Variants in FKBP5 observed in about 807,000 individuals in gnomAD.
The protein encoded by FKBP5 is peptidyl-prolyl cis-trans isomerase FKBP5.
Under a neutral mutation model 50.5 loss-of-function variants are expected in FKBP5, and 23 were observed. The ratio of observed to expected loss-of-function variants is 0.46; its 90% confidence interval spans 0.33 to 0.65. FKBP5 has a LOEUF of 0.65. FKBP5 is among the 30% of genes least tolerant of loss of function. The probability of loss-of-function intolerance (pLI) is 0.02; values close to 1 mark genes in which losing one functional copy is unlikely to be tolerated. For synonymous variants in FKBP5, 176 were observed against 190.6 expected (o/e 0.92, Z 0.63); for missense variants, 411 against 553.1 (o/e 0.74, Z 2.58).
chr6:35,584,499 C>T (rs532320982), intron 8 of FKBP5: 2 of 985,478 alleles, frequency 2.0e-6, no homozygotes, highest in South Asian at 4.7e-5. Flanking sequence ...AAGTCAGACA[C>T]CCTGGAAAGA....
chr6:35,697,928 A>G (rs1766112545), intron 2 of FKBP5, among the ~76,000 whole-genome samples: 1 of 152,230 alleles, frequency 6.6e-6, no homozygotes. Context: ...AAAAGAACAA[A>G]TAACCAGCCA....
intron 1 of FKBP5, among the ~76,000 whole-genome samples, chr6:35,663,470 C>G (rs1765126702): frequency 6.6e-6 from 1 of 152,250 alleles, no homozygotes; most frequent in Admixed American, 6.5e-5. Flanking sequence ...AAAAATTACT[C>G]TGGCACTCCA....
chr6:35,651,980 G>A (rs1581853796), intron 1 of FKBP5: 1 of 363,378 alleles, frequency 2.8e-6, no homozygotes, highest in Non-Finnish European at 4.2e-6. Context: ...GGAACCGGCT[G>A]AAGCCATGAC....
intron 1 of FKBP5, among the ~76,000 whole-genome samples, chr6:35,723,364 G>A (rs2151025357): frequency 6.6e-6 from 1 of 152,338 alleles, no homozygotes; most frequent in Admixed American, 6.5e-5. Flanking sequence ...TGCTCTGTAA[G>A]TGCCCACTGG....
chr6:35,583,971 A>T, intron 8 of FKBP5: 15 of 985,406 alleles, frequency 1.5e-5, no homozygotes, highest in Non-Finnish European at 1.8e-5. Flanking sequence ...TTGTTTTAGA[A>T]ATGCTTTCTT....
At chr6:35,705,982 C>T (rs1353997988) in intron 2 of FKBP5, among the ~76,000 whole-genome samples, 4 of 152,134 alleles carry the variant, frequency 2.6e-5, no homozygotes, top group African/African-American at 9.7e-5. Context: ...TGGTGGCTTG[C>T]ACCTGTAATC....
intron 1 of FKBP5, among the ~76,000 whole-genome samples, chr6:35,688,203 C>G (rs1204446461): frequency 1.3e-5 from 2 of 152,236 alleles, no homozygotes. Flanking sequence ...CCCGTCCACA[C>G]CCGGAGCGCG....
chr6:35,591,948 G>A (rs183691914), intron 6 of FKBP5, among the ~76,000 whole-genome samples: 249 of 152,154 alleles, frequency 1.6e-3, no homozygotes, highest in Middle Eastern at 0.014. Context: ...AATAACTGAG[G>A]ACATATACAT....
upstream of FKBP5, among the ~76,000 whole-genome samples, chr6:35,691,476 G>C (rs1765985848): frequency 6.6e-6 from 1 of 152,180 alleles, no homozygotes; most frequent in South Asian, 2.1e-4. Context: ...TCTGGGACCA[G>C]GCTCTTCCAG....
intron 1 of FKBP5, among the ~76,000 whole-genome samples, chr6:35,725,787 C>T (rs539582942): frequency 1.3e-5 from 2 of 152,266 alleles, no homozygotes; most frequent in African/African-American, 4.8e-5. Flanking sequence ...CGGTACATTC[C>T]GGTCCCAGCG....
chr6:35,715,477 C>T lies in FKBP5; in HGVS notation c.-20+4851G>A, dbSNP rs143172137. ...ATCAGAACAGTGCCATTATTGCCAG[C>T]ACTATTATAAAATGTGTTCCAATAG... On this transcript the variant is annotated intron_variant, in intron 2 of 11. Coordinates refer to the FKBP5 transcript ENST00000536438. 2.5e-3 allele frequency among the ~76,000 whole-genome samples: 385 copies of T among 152,292 alleles called. 2 individuals carry two copies. Among genetic ancestry groups the T allele is most frequent in the Non-Finnish European group, 4.3e-3 (293 of 68,028 alleles).
intron 1 of FKBP5, among the ~76,000 whole-genome samples, chr6:35,685,651 C>A (rs1484073274): frequency 1.3e-5 from 2 of 152,058 alleles, no homozygotes; most frequent in African/African-American, 4.8e-5. Flanking sequence ...TAGAGGAATT[C>A]TTCATGCCGG....
chr6:35,631,604 C>T (rs1333488179), intron 3 of FKBP5, among the ~76,000 whole-genome samples: 1 of 152,014 alleles, frequency 6.6e-6, no homozygotes, highest in Admixed American at 6.6e-5. Flanking sequence ...GTGGCTTCGA[C>T]ACAAATATTA....
chr6:35,594,457 C>G (rs1762915310), intron 6 of FKBP5, among the ~76,000 whole-genome samples: 1 of 152,118 alleles, frequency 6.6e-6, no homozygotes, highest in African/African-American at 2.4e-5. Context: ...ACAGATGACA[C>G]TAAGAGCTAT....
chr6:35,582,420 G>T (rs533249088), intron 8 of FKBP5: 13 of 495,906 alleles, frequency 2.6e-5, no homozygotes, highest in African/African-American at 2.5e-4. Flanking sequence ...TGAGGGTGGG[G>T]CCTCATGATG....
At chr6:35,591,566 T>C in intron 6 of FKBP5, among the ~76,000 whole-genome samples, 1 of 152,130 alleles carries the variant, frequency 6.6e-6, no homozygotes, top group Non-Finnish European at 1.5e-5. Context: ...ATGGCCATGA[T>C]TTAGCTGCCA....
chr6:35,636,590 T>G (rs1403647173), intron 3 of FKBP5, among the ~76,000 whole-genome samples: 1 of 152,200 alleles, frequency 6.6e-6, no homozygotes, highest in African/African-American at 2.4e-5. Flanking sequence ...TGGGTTTCAA[T>G]AAAACTAATA....
intron 8 of FKBP5, chr6:35,585,645 ATATT>A: frequency 1.1e-6 from 1 of 908,668 alleles, no homozygotes; most frequent in Non-Finnish European, 1.3e-6. Flanking sequence ...GATAAATAAC[ATATT>A]TATATATTTA....
chr6:35,600,230 T>A (rs1323089835), intron 5 of FKBP5, among the ~76,000 whole-genome samples: 1 of 152,106 alleles, frequency 6.6e-6, no homozygotes, highest in Non-Finnish European at 1.5e-5. Context: ...CTAGAGAGGT[T>A]CTACAGGGAG....
Sources: allele counts gnomAD v4.1 joint callset (sites outside exome capture counted in the v4.1 genomes callset), GRCh38; gene constraint gnomAD v4.1.1; transcripts MANE v1.5; gene names NCBI Gene and HGNC (gene_info 2026-07-23, HGNC 2026-07-21).